Variants in MTUS2 observed in about 807,000 individuals in gnomAD.
MTUS2 encodes microtubule-associated tumor suppressor candidate 2.
A neutral mutation model predicts 114.1 loss-of-function variants in MTUS2; 40 were observed. That is an observed-to-expected ratio of 0.35 (90% CI 0.27 to 0.46). The LOEUF is 0.46. Ranked by LOEUF, MTUS2 falls within the 20% of genes least tolerant of loss-of-function variation. The pLI, the probability that MTUS2 is intolerant of heterozygous loss-of-function variation, is 1.00. For synonymous variants in MTUS2, 688 were observed against 672.0 expected (o/e 1.02, Z -0.37); for missense variants, 1,679 against 1,705.4 (o/e 0.98, Z 0.27).
intron 11 of MTUS2, among the ~76,000 whole-genome samples, chr13:29,489,273 A>G (rs1881881623): frequency 6.6e-6 from 1 of 152,226 alleles, no homozygotes; most frequent in Admixed American, 6.5e-5. Flanking sequence ...CCTCAAAAAA[A>G]AAGTGTGTAT....
chr13:28,867,804 G>GGCAC (rs1877390847), intron 2 of MTUS2, among the ~76,000 whole-genome samples: 2 of 152,202 alleles, frequency 1.3e-5, no homozygotes, highest in South Asian at 4.1e-4. Flanking sequence ...GTGGCTGACT[G>GGCAC]TTGCAGCTCC....
At chr13:29,046,968 A>AAAGG (rs1887650409) in intron 4 of MTUS2, among the ~76,000 whole-genome samples, 1 of 152,144 alleles carries the variant, frequency 6.6e-6, no homozygotes, top group Non-Finnish European at 1.5e-5. Flanking sequence ...GCCAATGGGG[A>AAAGG]AAGGGTACAG....
intron 5 of MTUS2, among the ~76,000 whole-genome samples, chr13:29,230,416 C>G (rs9314942): frequency 0.82 from 125,599 of 152,260 alleles, 51,847 homozygotes; most frequent in East Asian, 0.89. Flanking sequence ...ATTCTGTGCT[C>G]CAAGTCAGCA....
intron 4 of MTUS2, among the ~76,000 whole-genome samples, chr13:29,071,409 A>ATGTTTTT (rs1888921924): frequency 2.2e-5 from 1 of 46,082 alleles, no homozygotes; most frequent in Non-Finnish European, 3.5e-5. Context: ...TGTTGCTTGA[A>ATGTTTTT]TTTTTTTTTT....
In MTUS2 at chr13:29,207,107, T is replaced by G. The variant is rs1593603411; in HGVS notation, c.2645-74597T>G. On this transcript the variant is annotated intron_variant, in intron 5 of 15. Coordinates refer to ENST00000612955, the MANE Select transcript of MTUS2 (RefSeq NM_001033602.4). Reference sequence around the variant, plus strand: ...TTCGGCAGTGTTTTATAGTTTTCTTTGTAGAGGTCTTTCACCCCCTTGGTT... The same window carrying G: ...TTCGGCAGTGTTTTATAGTTTTCTTGGTAGAGGTCTTTCACCCCCTTGGTT... Among the ~76,000 whole-genome samples the G allele has an allele frequency of 3.3e-5, 5 of 152,198 alleles. No homozygotes were observed. The East Asian group carries it at 7.7e-4, about 23-fold the overall frequency.
intron 5 of MTUS2, among the ~76,000 whole-genome samples, chr13:29,117,063 C>A (rs1451771726): frequency 6.6e-6 from 1 of 152,182 alleles, no homozygotes; most frequent in Non-Finnish European, 1.5e-5. Flanking sequence ...AACTCAGGCC[C>A]TTCTCCTTCT....
intron 2 of MTUS2, among the ~76,000 whole-genome samples, chr13:28,937,135 C>T (rs967883153): frequency 6.6e-6 from 1 of 150,874 alleles, no homozygotes; most frequent in Admixed American, 6.6e-5. Context: ...CTTCCTGGGT[C>T]GAGTGGGAAC....
At chr13:28,942,983 A>G (rs982880456) in intron 2 of MTUS2, among the ~76,000 whole-genome samples, 2 of 152,182 alleles carry the variant, frequency 1.3e-5, no homozygotes, top group Non-Finnish European at 2.9e-5. Context: ...TAATACTAAG[A>G]AAAAATGTGA....
At chr13:29,395,126 T>C (rs1410966231) in intron 8 of MTUS2, among the ~76,000 whole-genome samples, 1 of 152,226 alleles carries the variant, frequency 6.6e-6, no homozygotes, top group Non-Finnish European at 1.5e-5. Context: ...CATGAGATGC[T>C]ATACTAGAGT....
chr13:29,380,832 C>T (rs1278599402), intron 8 of MTUS2, among the ~76,000 whole-genome samples: 1 of 36,456 alleles, frequency 2.7e-5, no homozygotes, highest in African/African-American at 5.2e-5. Flanking sequence ...AGGAGAATGG[C>T]GTGAACCCGG....
chr13:29,059,805 G>A (rs1004300854), intron 4 of MTUS2, among the ~76,000 whole-genome samples: 1 of 152,226 alleles, frequency 6.6e-6, no homozygotes, highest in Non-Finnish European at 1.5e-5. Context: ...ACAGAAGTGG[G>A]ACCGTTTGTC....
At chr13:29,071,762 C>A (rs1888949786) in intron 4 of MTUS2, among the ~76,000 whole-genome samples, 1 of 152,038 alleles carries the variant, frequency 6.6e-6, no homozygotes. Context: ...TTGTTTTATG[C>A]TGGAAGATTT....
chr13:29,457,138 A>T (rs1446846830), intron 9 of MTUS2, among the ~76,000 whole-genome samples: 14 of 146,624 alleles, frequency 9.5e-5, no homozygotes. Context: ...GCGAGACTCC[A>T]TTCAAAAAAA....
At chr13:29,350,586 A>G (rs1593335958) in intron 7 of MTUS2, among the ~76,000 whole-genome samples, 1 of 152,082 alleles carries the variant, frequency 6.6e-6, no homozygotes, top group South Asian at 2.1e-4. Flanking sequence ...GTAATATAAG[A>G]TAGTCATGAG....
At chr13:29,498,287 C>T (rs1468522556) in intron 13 of MTUS2, 131 bp from the exon 14 acceptor site, 3 of 1,295,118 alleles carry the variant, frequency 2.3e-6, no homozygotes, top group East Asian at 2.4e-5. Context: ...AGCATCCTCT[C>T]TCTTTGGTGT....
At chr13:29,465,403 C>T (rs1224151785) in intron 9 of MTUS2, among the ~76,000 whole-genome samples, 2 of 152,192 alleles carry the variant, frequency 1.3e-5, no homozygotes, top group East Asian at 1.9e-4. Context: ...GCATTGGACA[C>T]GAAAGCCCAT....
At position 29,208,732 on chromosome 13, in the gene MTUS2, C is replaced by T. The variant is rs576761332; in HGVS notation, c.2645-72972C>T. The stretch of plus-strand genomic sequence containing the variant: ...AGGTTATTTAATTTCCATGTATTTG[C>T]ATGGTTTTGAGTGTTCCTTTTGGAG... On this transcript the variant is annotated intron_variant, in intron 5 of 15. Transcript: ENST00000612955. Among the ~76,000 whole-genome samples, 3 of 152,182 alleles carry T rather than the reference C, an allele frequency of 2.0e-5. No homozygotes were observed. The East Asian group carries it at 5.8e-4, about 29-fold the overall frequency.
At chr13:28,961,871 A>AT (rs1426589370) in intron 2 of MTUS2, among the ~76,000 whole-genome samples, 1 of 151,928 alleles carries the variant, frequency 6.6e-6, no homozygotes, top group Non-Finnish European at 1.5e-5. Context: ...ATGTTTGGTT[A>AT]TTTTGGTGGT....
At chr13:29,043,568 TATGTC>T (rs1360531533) in intron 4 of MTUS2, among the ~76,000 whole-genome samples, 1 of 141,026 alleles carries the variant, frequency 7.1e-6, no homozygotes. Context: ...GTCTATGTCA[TATGTC>T]ATTTTTTTTA....
Sources: allele counts gnomAD v4.1 joint callset (sites outside exome capture counted in the v4.1 genomes callset), GRCh38; gene constraint gnomAD v4.1.1; transcripts MANE v1.5; gene names NCBI Gene and HGNC (gene_info 2026-07-23, HGNC 2026-07-21).